CAMKMT: variants seen among roughly 807,000 people sequenced by gnomAD.
CAMKMT encodes calmodulin-lysine N-methyltransferase.
Under a neutral mutation model 48.0 loss-of-function variants are expected in CAMKMT, and 53 were observed. That is an observed-to-expected ratio of 1.10 (90% CI 0.89 to 1.39). The LOEUF (loss-of-function observed/expected upper bound fraction) is 1.39. CAMKMT is among the 40% of genes most tolerant of loss of function. CAMKMT has a pLI of 0.00. For missense variants in CAMKMT, 428 were observed against 402.7 expected (o/e 1.06, Z -0.54); for synonymous variants, 165 against 152.3 (o/e 1.08, Z -0.61).
chr2:44,456,092 T>G (rs1357268888), intron 3 of CAMKMT, among the ~76,000 whole-genome samples: 2 of 152,172 alleles, frequency 1.3e-5, no homozygotes, highest in African/African-American at 2.4e-5. Context: ...AATGGTGCCT[T>G]GTGTAATTCA....
At chr2:44,435,885 A>G (rs1279566147) in intron 3 of CAMKMT, among the ~76,000 whole-genome samples, 3 of 152,184 alleles carry the variant, frequency 2.0e-5, no homozygotes, top group Non-Finnish European at 1.5e-5. Context: ...GGAGCACGAC[A>G]TAATAATGGT....
chr2:44,449,045 C>T lies in CAMKMT; in HGVS notation c.376+58740C>T, dbSNP rs544527408. Among the ~76,000 whole-genome samples, 4 of 152,086 alleles carry T rather than the reference C, an allele frequency of 2.6e-5. No individual in the cohort carries two copies. In the South Asian group the frequency reaches 6.2e-4, roughly 24 times the overall value. On this transcript the variant is annotated intron_variant, in intron 3 of 10. Transcript: ENST00000378494. ...GATGAAAATGTTGAAAAATTGATTG[C>T]GACAATGTTTGCACACCTGTGTAAA...
intron 3 of CAMKMT, among the ~76,000 whole-genome samples, chr2:44,673,998 A>G (rs768115021): frequency 6.6e-6 from 1 of 152,156 alleles, no homozygotes; most frequent in Non-Finnish European, 1.5e-5. Context: ...AGTTTGAATC[A>G]TGTTTGCTAT....
intron 3 of CAMKMT, among the ~76,000 whole-genome samples, chr2:44,581,783 A>T (rs111854575): frequency 0.039 from 5,957 of 152,110 alleles, 169 homozygotes; most frequent in Non-Finnish European, 0.064. Flanking sequence ...GGTGGATCAC[A>T]AAGTCAGGAG....
chr2:44,711,742 T>C (rs1214250604), intron 6 of CAMKMT, among the ~76,000 whole-genome samples: 1 of 152,214 alleles, frequency 6.6e-6, no homozygotes, highest in Non-Finnish European at 1.5e-5. Context: ...AGATAATGAA[T>C]TGACGTGAAT....
intron 3 of CAMKMT, among the ~76,000 whole-genome samples, chr2:44,686,076 T>G (rs544706823): frequency 1.3e-5 from 2 of 152,268 alleles, no homozygotes; most frequent in African/African-American, 4.8e-5. Flanking sequence ...TCAGCTCTCA[T>G]CTGAATAGTG....
chr2:44,447,455 C>G (rs1372663397), intron 3 of CAMKMT, among the ~76,000 whole-genome samples: 1 of 152,128 alleles, frequency 6.6e-6, no homozygotes, highest in African/African-American at 2.4e-5. Context: ...GTGAATGTAT[C>G]AGTCATAGTG....
At chr2:44,567,637 G>A (rs13383854) in intron 3 of CAMKMT, among the ~76,000 whole-genome samples, 2 of 151,996 alleles carry the variant, frequency 1.3e-5, no homozygotes, top group African/African-American at 4.8e-5. Context: ...ACTGCTATTA[G>A]ACAGAGACAG....
chr2:44,594,087 C>T (rs1358762971), intron 3 of CAMKMT, among the ~76,000 whole-genome samples: 4 of 152,100 alleles, frequency 2.6e-5, no homozygotes, highest in Non-Finnish European at 5.9e-5. Context: ...AATAAAATAC[C>T]TAGGAATACA....
chr2:44,577,342 T>G (rs899618282), intron 3 of CAMKMT, among the ~76,000 whole-genome samples: 1 of 152,150 alleles, frequency 6.6e-6, no homozygotes, highest in Non-Finnish European at 1.5e-5. Flanking sequence ...CCATAAAGCT[T>G]CTTCTGTGGC....
chr2:44,605,872 A>G (rs1033625447), intron 3 of CAMKMT, among the ~76,000 whole-genome samples: 69 of 152,264 alleles, frequency 4.5e-4, no homozygotes, highest in African/African-American at 1.6e-3. Context: ...AAAACCACTC[A>G]TACATAGAGC....
chr2:44,424,517 C>T (rs918394622), intron 3 of CAMKMT, among the ~76,000 whole-genome samples: 3 of 152,126 alleles, frequency 2.0e-5, no homozygotes, highest in East Asian at 1.9e-4. Context: ...TATCTGGAAT[C>T]TATAGATAAC....
chr2:44,638,765 C>T (rs1297540317), intron 3 of CAMKMT, among the ~76,000 whole-genome samples: 1 of 152,180 alleles, frequency 6.6e-6, no homozygotes, highest in African/African-American at 2.4e-5. Flanking sequence ...GAGGCATGCA[C>T]CGTTCTTTCA....
At chr2:44,675,078 A>AAGG (rs1675595504) in intron 3 of CAMKMT, among the ~76,000 whole-genome samples, 2 of 137,610 alleles carry the variant, frequency 1.5e-5, no homozygotes, top group Non-Finnish European at 3.2e-5. Flanking sequence ...ACCAACCTTA[A>AAGG]GGGGGGGAAA....
chr2:44,697,680 C>G (rs985255340), intron 3 of CAMKMT, among the ~76,000 whole-genome samples: 3 of 152,044 alleles, frequency 2.0e-5, no homozygotes, highest in African/African-American at 7.2e-5. Flanking sequence ...AAAATTTTAA[C>G]ATTATAACTA....
chr2:44,449,705 T>G (rs1291064786), intron 3 of CAMKMT, among the ~76,000 whole-genome samples: 2 of 152,192 alleles, frequency 1.3e-5, no homozygotes, highest in Non-Finnish European at 2.9e-5. Flanking sequence ...AATACTTGCT[T>G]AAAAACAGCA....
At chr2:44,691,857 C>G (rs1573089582) in intron 3 of CAMKMT, among the ~76,000 whole-genome samples, 3 of 152,154 alleles carry the variant, frequency 2.0e-5, no homozygotes, top group Admixed American at 6.5e-5. Context: ...TAGAGTGTCA[C>G]AGGGCAGGCC....
chr2:44,493,056 G>T (rs560169076), intron 3 of CAMKMT, among the ~76,000 whole-genome samples: 4 of 151,998 alleles, frequency 2.6e-5, no homozygotes, highest in Admixed American at 2.0e-4. Context: ...ACCATGCCCA[G>T]CTAATTTTTG....
At chr2:44,542,203 A>C (rs1489337522) in intron 3 of CAMKMT, among the ~76,000 whole-genome samples, 1 of 152,106 alleles carries the variant, frequency 6.6e-6, no homozygotes, top group East Asian at 1.9e-4. Flanking sequence ...TCCCCTGTGA[A>C]CATAAATTAT....
Sources: gnomAD v4.1 joint callset for allele counts (sites outside exome capture counted in the v4.1 genomes callset) on GRCh38, gnomAD v4.1.1 for gene constraint, MANE v1.5 for transcripts, NCBI Gene and HGNC (gene_info 2026-07-23, HGNC 2026-07-21) for gene names.